SKAP1: variants seen among roughly 807,000 people sequenced by gnomAD.
The protein encoded by SKAP1 is src kinase associated phosphoprotein 1, also known as src kinase-associated phosphoprotein 1.
A neutral mutation model predicts 58.5 loss-of-function variants in SKAP1; 44 were observed. The ratio of observed to expected loss-of-function variants is 0.75; its 90% CI spans 0.59 to 0.97. The LOEUF (loss-of-function observed/expected upper bound fraction) is 0.97, where lower values mean the gene tolerates loss of function less well. Among genes scored for constraint, SKAP1 ranks in the 50% least tolerant of loss-of-function variants. SKAP1 has a pLI of 0.00. For synonymous variants in SKAP1, 127 were observed against 149.7 expected, an observed-to-expected ratio of 0.85 and a Z score of 1.11; for missense variants, 390 against 435.2, an observed-to-expected ratio of 0.90 and a Z score of 0.92.
At chr17:48,162,601 A>T (rs372482818) in intron 10 of SKAP1, 32 bp from the exon 11 acceptor site, 2 of 1,556,866 alleles carry the variant, frequency 1.3e-6, no homozygotes, top group Non-Finnish European at 1.8e-6. Context: ...CAAAGTTAAA[A>T]GGACTCTATT....
intron 11 of SKAP1, among the ~76,000 whole-genome samples, chr17:48,152,817 C>T (rs970300825): frequency 7.9e-5 from 12 of 152,316 alleles, no homozygotes; most frequent in African/African-American, 2.2e-4. Flanking sequence ...TGTCAAAAGA[C>T]GAAGACGTTA....
chr17:48,256,283 T>A (rs2065422930), intron 4 of SKAP1, among the ~76,000 whole-genome samples: 1 of 152,084 alleles, frequency 6.6e-6, no homozygotes, highest in Admixed American at 6.6e-5. Flanking sequence ...CCATGTAAAC[T>A]TTATTAATGG....
At chr17:48,409,449 G>A (rs1051454628) in intron 1 of SKAP1, among the ~76,000 whole-genome samples, 5 of 152,174 alleles carry the variant, frequency 3.3e-5, no homozygotes, top group African/African-American at 1.2e-4. Flanking sequence ...CAAATCACTT[G>A]TGCCCAGGAG....
chr17:48,278,547 G>A (rs2065728081), intron 4 of SKAP1, among the ~76,000 whole-genome samples: 1 of 152,148 alleles, frequency 6.6e-6, no homozygotes, highest in Non-Finnish European at 1.5e-5. Flanking sequence ...GCTAAGGATA[G>A]CAAAAGTCTT....
chr17:48,172,030 A>G (rs2064225587), intron 9 of SKAP1, among the ~76,000 whole-genome samples: 1 of 152,198 alleles, frequency 6.6e-6, no homozygotes, highest in Non-Finnish European at 1.5e-5. Context: ...ACTGCACTCC[A>G]GCCTGGGTGA....
At chr17:48,192,163 A>G (rs1397778574) in intron 4 of SKAP1, among the ~76,000 whole-genome samples, 1 of 146,946 alleles carries the variant, frequency 6.8e-6, no homozygotes, top group Non-Finnish European at 1.5e-5. Context: ...CTGGGGACAG[A>G]GCGAGACTCT....
intron 3 of SKAP1, among the ~76,000 whole-genome samples, chr17:48,349,165 C>T (rs2066763668): frequency 6.6e-6 from 1 of 152,154 alleles, no homozygotes; most frequent in Admixed American, 6.5e-5. Flanking sequence ...TATAGAAGAA[C>T]AGCAATTATT....
At chr17:48,149,733 G>A (rs17618799) in intron 11 of SKAP1, among the ~76,000 whole-genome samples, 409 of 152,184 alleles carry the variant, frequency 2.7e-3, no homozygotes, top group Non-Finnish European at 3.9e-3. Flanking sequence ...TCAGGGGCAC[G>A]CACATTTAGA....
Position 48,416,880 on chromosome 17 carries a change from T to C in SKAP1, c.46+13195A>G, listed in dbSNP as rs576005460. On this transcript the variant is annotated intron_variant, in intron 1 of 12. Coordinates refer to ENST00000336915, the MANE Select transcript of SKAP1 (RefSeq NM_003726.4). ...TTAAATATATCACTAAAATCAAACC[T>C]CTAAGACTTTAGTGTTTAATTTTCC... Among the ~76,000 whole-genome samples, 3 of 152,308 alleles carry C rather than the reference T, an allele frequency of 2.0e-5. No homozygotes were observed. In the East Asian group the frequency reaches 5.8e-4, roughly 29 times the overall value.
At chr17:48,263,240 A>T (rs1352003949) in intron 4 of SKAP1, among the ~76,000 whole-genome samples, 1 of 152,212 alleles carries the variant, frequency 6.6e-6, no homozygotes, top group Non-Finnish European at 1.5e-5. Context: ...TGAAAGGGCT[A>T]TGAGTATAAC....
At chr17:48,417,031 T>G (rs1255358484) in intron 1 of SKAP1, among the ~76,000 whole-genome samples, 2 of 152,246 alleles carry the variant, frequency 1.3e-5, no homozygotes, top group Admixed American at 6.5e-5. Context: ...CCTAAAACTT[T>G]TGATCTGAAA....
chr17:48,342,848 G>A (rs1026199405), intron 4 of SKAP1, among the ~76,000 whole-genome samples: 5 of 152,104 alleles, frequency 3.3e-5, no homozygotes, highest in African/African-American at 9.7e-5. Flanking sequence ...AGCCAGGCGC[G>A]GTGGCCGGCG....
chr17:48,258,275 A>G (rs1299924716), intron 4 of SKAP1, among the ~76,000 whole-genome samples: 2 of 152,196 alleles, frequency 1.3e-5, no homozygotes, highest in Non-Finnish European at 2.9e-5. Flanking sequence ...TTAACAGAGA[A>G]GATACAAAAT....
chr17:48,253,305 C>T (rs1310330688), intron 4 of SKAP1, among the ~76,000 whole-genome samples: 1 of 151,984 alleles, frequency 6.6e-6, no homozygotes, highest in Non-Finnish European at 1.5e-5. Flanking sequence ...GAGTCTTTTT[C>T]TGGGCCTTCA....
At chr17:48,373,241 G>C (rs1478313841) in intron 2 of SKAP1, among the ~76,000 whole-genome samples, 1 of 152,182 alleles carries the variant, frequency 6.6e-6, no homozygotes, top group African/African-American at 2.4e-5. Context: ...GCAGGAGAGA[G>C]AGAGAACATG....
chr17:48,374,653 G>A (rs1262547498), intron 2 of SKAP1, among the ~76,000 whole-genome samples: 1 of 152,222 alleles, frequency 6.6e-6, no homozygotes, highest in Non-Finnish European at 1.5e-5. Context: ...TGGCTTTGCT[G>A]AGCAATGCTA....
At chr17:48,227,879 A>G (rs2065086316) in intron 4 of SKAP1, among the ~76,000 whole-genome samples, 1 of 152,206 alleles carries the variant, frequency 6.6e-6, no homozygotes. Flanking sequence ...TTACGAGGAT[A>G]AAATGAATTA....
rs572154295 is a variant in SKAP1 at position 48,407,507 on chromosome 17, AT to A, written c.47-10723del. ...ATGCCAGGATTTCACATACGGTTTT[AT>A]TTTTTTTAAAGAGTTCCATTGTACA... On this transcript the variant is annotated intron_variant, in intron 1 of 12. Coordinates refer to ENST00000336915, the MANE Select transcript of SKAP1 (RefSeq NM_003726.4). Among the ~76,000 whole-genome samples the A allele has an allele frequency of 1.8e-3, 279 of 152,142 alleles. 1 individual carries two copies. Among genetic ancestry groups the A allele is most frequent in the African/African-American group, 6.6e-3 (274 of 41,516 alleles).
At chr17:48,138,785 G>A (rs1244496186) in intron 11 of SKAP1, among the ~76,000 whole-genome samples, 1 of 152,090 alleles carries the variant, frequency 6.6e-6, no homozygotes, top group East Asian at 1.9e-4. Flanking sequence ...CTAAGTGCTG[G>A]GATTACAGGC....
Sources: allele counts gnomAD v4.1 joint callset (sites outside exome capture counted in the v4.1 genomes callset), GRCh38; gene constraint gnomAD v4.1.1; transcripts MANE v1.5; gene names NCBI Gene and HGNC (gene_info 2026-07-23, HGNC 2026-07-21).